The following TTC39B variants were observed in gnomAD, a reference collection of about 807,000 sequenced individuals.
TTC39B encodes tetratricopeptide repeat domain 39B, also known as tetratricopeptide repeat protein 39B.
Under a neutral mutation model 96.6 loss-of-function variants are expected in TTC39B, and 92 were observed. The ratio of observed to expected loss-of-function variants is 0.95; its 90% CI spans 0.80 to 1.13. The LOEUF is 1.13. TTC39B is among the 50% of genes most tolerant of loss of function. The pLI, the probability that TTC39B is intolerant of heterozygous loss-of-function variation, is 0.00. For synonymous variants in TTC39B, 367 were observed against 299.4 expected, an observed-to-expected ratio of 1.23 and a Z score of -2.33; for missense variants, 955 against 809.3, an observed-to-expected ratio of 1.18 and a Z score of -2.18.
intron 2 of TTC39B, among the ~76,000 whole-genome samples, chr9:15,263,126 C>G (rs996455328): frequency 6.6e-6 from 1 of 152,178 alleles, no homozygotes; most frequent in Non-Finnish European, 1.5e-5. Flanking sequence ...AACTGCAGAA[C>G]TGGGGACTTC....
At chr9:15,292,724 T>A (rs991602221) in intron 1 of TTC39B, among the ~76,000 whole-genome samples, 2 of 152,156 alleles carry the variant, frequency 1.3e-5, no homozygotes, top group Non-Finnish European at 2.9e-5. Context: ...TAAAAAAAGT[T>A]TACAAGTAAG....
At position 15,185,792 on chromosome 9, in the gene TTC39B, G is replaced by A. The variant is rs536765487; in HGVS notation, c.1488-386C>T. 3.3e-5 allele frequency among the ~76,000 whole-genome samples: 5 copies of A among 152,290 alleles called. No individual in the cohort carries two copies. The South Asian group carries it at 1.0e-3, about 32-fold the overall frequency. The stretch of plus-strand genomic sequence containing the variant: ...GAAAGAGTCCAAAGTATTTACTTAC[G>A]TTGTGGATACTCAGGGAGAGAGAAG... On this transcript the variant is annotated intron_variant, in intron 15 of 19. Transcript: ENST00000512701.
At chr9:15,203,367 C>T (rs889891163) in intron 7 of TTC39B, among the ~76,000 whole-genome samples, 7 of 152,062 alleles carry the variant, frequency 4.6e-5, no homozygotes, top group African/African-American at 1.2e-4. Flanking sequence ...TTTCCTGCCT[C>T]AGCCTCCCGG....
At chr9:15,257,347 T>G (rs564442983) in intron 2 of TTC39B, among the ~76,000 whole-genome samples, 87 of 152,296 alleles carry the variant, frequency 5.7e-4, no homozygotes, top group African/African-American at 2.1e-3. Context: ...ATGGATGAAA[T>G]AAGATTGGCC....
chr9:15,171,265 G>A (rs925468874), exon 20 of TTC39B: 2 of 151,996 alleles, frequency 1.3e-5, no homozygotes, highest in Non-Finnish European at 2.9e-5. Context: ...ATCCATGTAT[G>A]TATTTTAGGC....
At chr9:15,301,637 C>A (rs374206349) in intron 1 of TTC39B, among the ~76,000 whole-genome samples, 22 of 152,010 alleles carry the variant, frequency 1.4e-4, no homozygotes, top group Admixed American at 3.9e-4. Flanking sequence ...ATGCCTGTAA[C>A]CCCAGCTACT....
chr9:15,222,662 T>A (rs944444568), intron 3 of TTC39B, among the ~76,000 whole-genome samples: 14 of 152,204 alleles, frequency 9.2e-5, no homozygotes, highest in Non-Finnish European at 1.8e-4. Context: ...ATTTGGTAAC[T>A]AAAGCTACCA....
intron 8 of TTC39B, among the ~76,000 whole-genome samples, 189 bp from the exon 9 acceptor site, chr9:15,192,884 G>A (rs1394229574): frequency 1.3e-5 from 2 of 152,196 alleles, no homozygotes; most frequent in African/African-American, 4.8e-5. Context: ...AGAAAAAGGA[G>A]ATGCTCATTT....
chr9:15,268,056 G>A (rs1206561586), intron 1 of TTC39B, 108 bp from the exon 2 acceptor site: 5 of 917,426 alleles, frequency 5.5e-6, no homozygotes, highest in African/African-American at 1.7e-5. Context: ...GGTCCTGGCA[G>A]GAAGGTATAG....
intron 1 of TTC39B, among the ~76,000 whole-genome samples, chr9:15,302,081 G>A (rs1282797840): frequency 1.3e-5 from 2 of 152,148 alleles, no homozygotes; most frequent in Non-Finnish European, 2.9e-5. Flanking sequence ...CCAGCACATT[G>A]GGAGGCCAAG....
chr9:15,233,832 A>G (rs1415853273), intron 2 of TTC39B, among the ~76,000 whole-genome samples: 2 of 136,872 alleles, frequency 1.5e-5, no homozygotes, highest in Non-Finnish European at 3.1e-5. Flanking sequence ...CTGGGATGTG[A>G]GGAGCCCCTC....
chr9:15,182,584 A>G (rs1020196403), intron 16 of TTC39B, among the ~76,000 whole-genome samples, 169 bp from the exon 17 acceptor site: 1 of 152,228 alleles, frequency 6.6e-6, no homozygotes, highest in Non-Finnish European at 1.5e-5. Context: ...GCAATTCAGT[A>G]TATATATTTT....
chr9:15,267,074 G>C (rs771921350), intron 2 of TTC39B, among the ~76,000 whole-genome samples: 1 of 151,978 alleles, frequency 6.6e-6, no homozygotes, highest in African/African-American at 2.4e-5. Context: ...GCGAGACTCC[G>C]TCTCAAAAAA....
intron 1 of TTC39B, among the ~76,000 whole-genome samples, chr9:15,269,377 A>G (rs1193471041): frequency 6.6e-6 from 1 of 152,210 alleles, no homozygotes; most frequent in African/African-American, 2.4e-5. Context: ...TGAATGAATG[A>G]ATGAATGAAT....
intron 2 of TTC39B, among the ~76,000 whole-genome samples, chr9:15,252,728 T>A (rs1225585017): frequency 3.9e-5 from 6 of 152,226 alleles, no homozygotes; most frequent in African/African-American, 1.4e-4. Flanking sequence ...GTATCCAAAA[T>A]GGTTCATAAA....
At chr9:15,250,553 T>G (rs1586958260) in intron 2 of TTC39B, among the ~76,000 whole-genome samples, 1 of 152,318 alleles carries the variant, frequency 6.6e-6, no homozygotes, top group East Asian at 1.9e-4. Context: ...GTTTTTAGAT[T>G]AATGCACAAA....
chr9:15,187,135 T>C (rs2118717533), intron 14 of TTC39B, 100 bp from the exon 15 acceptor site: 2 of 808,520 alleles, frequency 2.5e-6, no homozygotes, highest in Non-Finnish European at 3.9e-6. Flanking sequence ...GATATAAAAT[T>C]AGAGGCATTA....
chr9:15,270,013 A>G (rs562720630), intron 1 of TTC39B, among the ~76,000 whole-genome samples: 1 of 152,132 alleles, frequency 6.6e-6, no homozygotes, highest in South Asian at 2.1e-4. Flanking sequence ...TACTAAAAAT[A>G]CAAAAATTAG....
At chr9:15,196,013 G>C (rs1021587170) in intron 8 of TTC39B, among the ~76,000 whole-genome samples, 1 of 152,168 alleles carries the variant, frequency 6.6e-6, no homozygotes, top group East Asian at 1.9e-4. Context: ...TACTCTGCCA[G>C]TGCTCTATAA....
Sources: allele counts gnomAD v4.1 joint callset (sites outside exome capture counted in the v4.1 genomes callset), GRCh38; gene constraint gnomAD v4.1.1; transcripts MANE v1.5; gene names NCBI Gene and HGNC (gene_info 2026-07-23, HGNC 2026-07-21).